TNS3: variants seen among roughly 807,000 people sequenced by gnomAD.
TNS3 encodes tensin 3, also known as tensin-3.
Under a neutral mutation model 140.9 loss-of-function variants are expected in TNS3, and 45 were observed. That is an observed-to-expected ratio of 0.32 (90% CI 0.25 to 0.41). TNS3 has a LOEUF of 0.41. Among genes scored for constraint, TNS3 ranks in the 10% least tolerant of loss-of-function variants. The pLI, the probability that TNS3 is intolerant of heterozygous loss-of-function variation, is 1.00. For missense variants in TNS3, 1,716 were observed against 1,906.7 expected (o/e 0.90, Z 1.86); for synonymous variants, 815 against 788.4 (o/e 1.03, Z -0.56).
At chr7:47,502,021 G>A (rs1264984632) in intron 3 of TNS3, among the ~76,000 whole-genome samples, 1 of 152,156 alleles carries the variant, frequency 6.6e-6, no homozygotes, top group African/African-American at 2.4e-5. Context: ...CGAGCAAGGT[G>A]GGCTAAAGTC....
rs1784913820 is a variant in TNS3, at chr7:47,277,385, C to T, written c.*691G>A. 6.6e-6 allele frequency: 1 copy of T among 152,532 alleles called. No individual in the cohort carries two copies. The highest frequency in any genetic ancestry group is 1.5e-5 in the Non-Finnish European group (1 of 68,320). The allele number at this position is 152,532 out of a possible 1,614,324, so 9.4% of individuals were successfully genotyped here. On this transcript the variant is annotated 3_prime_UTR_variant, in exon 31 of 31. Coordinates refer to ENST00000311160, the MANE Select transcript of TNS3 (RefSeq NM_022748.12). ...GCTCGCCCAGCTCGCCCAGCTCGCC[C>T]AGCTCACCACAGGTGAGCAGGAGGC...
chr7:47,382,309 C>T (rs999225816), intron 16 of TNS3, among the ~76,000 whole-genome samples: 4 of 152,138 alleles, frequency 2.6e-5, no homozygotes, highest in Admixed American at 6.5e-5. Flanking sequence ...GCTTTGTAAA[C>T]GGGCTGCCAT....
chr7:47,514,689 T>C (rs1798722157), intron 2 of TNS3, among the ~76,000 whole-genome samples: 1 of 152,184 alleles, frequency 6.6e-6, no homozygotes, highest in Non-Finnish European at 1.5e-5. Context: ...CATTCCATGA[T>C]AGTCTCGCTG....
At chr7:47,524,216 A>T (rs112711323) in intron 2 of TNS3, among the ~76,000 whole-genome samples, 6 of 152,072 alleles carry the variant, frequency 3.9e-5, no homozygotes, top group Non-Finnish European at 8.8e-5. Flanking sequence ...AGGCCCTTTC[A>T]CGTACACCCC....
chr7:47,362,364 A>G lies in TNS3; in HGVS notation c.2281+6001T>C, dbSNP rs74587090. On this transcript the variant is annotated intron_variant, in intron 17 of 30. Coordinates refer to ENST00000311160, the MANE Select transcript of TNS3 (RefSeq NM_022748.12). ...CCTCTCTCTGATCTTGTAGGTGGGC[A>G]GGGCTACTCTACACTGTCCAGCGAT... Among the ~76,000 whole-genome samples the G allele has an allele frequency of 3.0e-3, 453 of 152,306 alleles. 3 individuals carry two copies. The highest frequency in any genetic ancestry group is 0.01 in the African/African-American group (426 of 41,570).
chr7:47,295,081 T>A (rs933662264), intron 24 of TNS3, among the ~76,000 whole-genome samples: 1 of 152,114 alleles, frequency 6.6e-6, no homozygotes, highest in African/African-American at 2.4e-5. Context: ...GAATGTCAAA[T>A]CCAGGGACAA....
chr7:47,301,556 C>A (rs1786401339), intron 23 of TNS3, among the ~76,000 whole-genome samples: 1 of 151,254 alleles, frequency 6.6e-6, no homozygotes, highest in Non-Finnish European at 1.5e-5. Context: ...CTCTTCTATT[C>A]ATGCTCTGGT....
At chr7:47,355,317 T>C (rs1034056518) in intron 17 of TNS3, among the ~76,000 whole-genome samples, 1 of 152,170 alleles carries the variant, frequency 6.6e-6, no homozygotes, top group East Asian at 1.9e-4. Flanking sequence ...GTGCATCCTA[T>C]GACGTACCTT....
chr7:47,349,399 C>A (rs115681254), intron 17 of TNS3, among the ~76,000 whole-genome samples: 348 of 152,350 alleles, frequency 2.3e-3, no homozygotes, highest in African/African-American at 8.2e-3. Context: ...CAGTATCCTG[C>A]CACTGGGACC....
intron 23 of TNS3, among the ~76,000 whole-genome samples, chr7:47,298,590 T>C (rs1786190995): frequency 6.6e-6 from 1 of 152,228 alleles, no homozygotes; most frequent in African/African-American, 2.4e-5. Context: ...ATTACAGCCA[T>C]GGAAATGCTG....
intron 17 of TNS3, among the ~76,000 whole-genome samples, chr7:47,358,094 T>C (rs1790099409): frequency 6.6e-6 from 1 of 152,086 alleles, no homozygotes; most frequent in Admixed American, 6.5e-5. Flanking sequence ...GTTTTCTTTT[T>C]GGATCACCCC....
chr7:47,430,431 A>G (rs1218268561), intron 8 of TNS3, among the ~76,000 whole-genome samples: 3 of 151,524 alleles, frequency 2.0e-5, no homozygotes, highest in Non-Finnish European at 2.9e-5. Context: ...CACCCGGCCT[A>G]TAAAGCAAAT....
chr7:47,480,743 C>T (rs924937797), intron 4 of TNS3, among the ~76,000 whole-genome samples: 3 of 152,228 alleles, frequency 2.0e-5, no homozygotes, highest in Admixed American at 1.3e-4. Context: ...AGCCACCTGG[C>T]GACCCAGGCA....
chr7:47,462,982 C>T (rs1562772119), intron 4 of TNS3, among the ~76,000 whole-genome samples: 1 of 152,038 alleles, frequency 6.6e-6, no homozygotes, highest in African/African-American at 2.4e-5. Context: ...TACAATGGAC[C>T]CTAATCAATG....
At chr7:47,540,700 C>A (rs564497238) in intron 1 of TNS3, among the ~76,000 whole-genome samples, 85 of 152,322 alleles carry the variant, frequency 5.6e-4, no homozygotes, top group African/African-American at 1.9e-3. Flanking sequence ...TGACTTGAAG[C>A]AGAAGCAGAC....
rs569260075 is a variant in TNS3, at chr7:47,555,367, C to T, written c.-264-26220G>A. ...AGTGAGCTGAAATCATGCCAACACA[C>T]TCCAGCCTGAGGGACAAGAGCAAGA... On this transcript the variant is annotated intron_variant, in intron 1 of 30. Transcript: ENST00000311160. Among the ~76,000 whole-genome samples, 4 of 149,672 alleles carry T rather than the reference C, an allele frequency of 2.7e-5. No homozygotes were observed. The East Asian group carries it at 7.8e-4, about 29-fold the overall frequency.
At chr7:47,518,379 C>T (rs4724584) in intron 2 of TNS3, among the ~76,000 whole-genome samples, 45,095 of 152,000 alleles carry the variant, frequency 0.3, 6,986 homozygotes, top group East Asian at 0.4. Flanking sequence ...TCTCACTCTC[C>T]TCACAGATCC....
Position 47,352,063 on chromosome 7 carries a change from GCA to G in TNS3, c.2282-5709_2282-5708del, listed in dbSNP as rs563049638. ...TGCAGACTCAGCCACTCATGCATTTGCACACACACTCTTACACCCACGTCACA... is the reference window on the plus strand; with the variant it reads ...TGCAGACTCAGCCACTCATGCATTTGCACACACTCTTACACCCACGTCACA... On this transcript the variant is annotated intron_variant, in intron 17 of 30. Coordinates refer to ENST00000311160, the MANE Select transcript of TNS3 (RefSeq NM_022748.12). Among the ~76,000 whole-genome samples, 607 of 150,570 alleles carry G rather than the reference GCA, an allele frequency of 4.0e-3. 3 individuals carry two copies. The highest frequency in any genetic ancestry group is 0.014 in the African/African-American group (574 of 40,692).
In TNS3 at chr7:47,293,758, T is replaced by G; in HGVS notation, c.3747A>C (p.Lys1249Asn). The G allele has an allele frequency of 2.5e-6, 4 of 1,614,174 alleles. No homozygotes were observed. Among genetic ancestry groups the G allele is most frequent in the Non-Finnish European group, 3.4e-6 (4 of 1,180,024 alleles). The change falls in exon 25 of 31, where the codon AAA becomes AAC. Residue 1249 changes from lysine (K) to asparagine (N), a missense_variant. This residue lies in a region of TNS3 where 216 missense variants were observed against 295.7 expected (regional missense o/e 0.73). Transcript: ENST00000311160. ...CGAAATATGGTTCATTCGAGCACCC[T>G]TTCAACCGCACTCCCTTCGGGGTAC... ...IECTPKGVRL[K>N]GCSNEPYFGS...
Sources: allele counts gnomAD v4.1 joint callset (sites outside exome capture counted in the v4.1 genomes callset), GRCh38; gene constraint gnomAD v4.1.1; regional missense constraint gnomAD v4.1.1; transcripts MANE v1.5; gene names NCBI Gene and HGNC (gene_info 2026-07-23, HGNC 2026-07-21).